Variants in MPP7 observed in about 807,000 individuals in gnomAD.
MPP7 encodes the protein MAGUK p55 scaffold protein 7.
A neutral mutation model predicts 76.5 loss-of-function variants in MPP7; 60 were observed. The observed-to-expected ratio is 0.78, with a 90% confidence interval of 0.64 to 0.97. The LOEUF is 0.97. MPP7 is among the 50% of genes least tolerant of loss of function. MPP7 has a pLI of 0.00. For missense variants in MPP7, 641 were observed against 694.0 expected (o/e 0.92, Z 0.86); for synonymous variants, 237 against 244.5 (o/e 0.97, Z 0.29).
At chr10:28,199,851 GT>G (rs1837711456) in intron 3 of MPP7, among the ~76,000 whole-genome samples, 1 of 149,948 alleles carries the variant, frequency 6.7e-6, no homozygotes, top group South Asian at 2.1e-4. Flanking sequence ...CGGATTACAG[GT>G]GTGAACCACT....
At chr10:28,328,725 C>T (rs11007024) in intron 2 of MPP7, among the ~76,000 whole-genome samples, 10 of 152,178 alleles carry the variant, frequency 6.6e-5, no homozygotes, top group East Asian at 3.9e-4. Context: ...ATATTTGCAG[C>T]GTTTACATTT....
At chr10:28,202,047 T>G in intron 3 of MPP7, 106 bp downstream of exon 3, 1 of 786,066 alleles carries the variant, frequency 1.3e-6, no homozygotes, top group Non-Finnish European at 2.2e-6. Flanking sequence ...AACAAGGCTG[T>G]TTTGTTTTCA....
intron 3 of MPP7, among the ~76,000 whole-genome samples, chr10:28,189,029 A>C (rs1169854874): frequency 1.3e-5 from 2 of 152,194 alleles, no homozygotes; most frequent in Non-Finnish European, 2.9e-5. Flanking sequence ...CACAAAAAAA[A>C]GGAAGGACAT....
intron 11 of MPP7, among the ~76,000 whole-genome samples, chr10:28,113,313 G>T (rs1834562151): frequency 6.6e-6 from 1 of 152,062 alleles, no homozygotes; most frequent in Non-Finnish European, 1.5e-5. Context: ...CCCTCTTCCT[G>T]TTGGCCCTGC....
chr10:28,172,546 CA>C (rs1279788266), intron 3 of MPP7, among the ~76,000 whole-genome samples: 7 of 150,184 alleles, frequency 4.7e-5, no homozygotes, highest in Non-Finnish European at 1.0e-4. Context: ...AAATATTTGA[CA>C]ATGAGCGGCA....
rs1420885235 is a variant in MPP7 at position 28,296,159 on chromosome 10, G to A, written c.-132+6702C>T. Among the ~76,000 whole-genome samples, 4 of 152,122 alleles carry A rather than the reference G, an allele frequency of 2.6e-5. No homozygotes were observed. The East Asian group carries it at 7.7e-4, about 29-fold the overall frequency. ...TAATGACCTGATTAAGGTCATCAAA[G>A]GTAAAGAAAACTCTAGGAAGCAGCC... On this transcript the variant is annotated intron_variant, in intron 1 of 16. Transcript: ENST00000683449.
At chr10:28,197,063 G>T (rs1425364243) in intron 3 of MPP7, among the ~76,000 whole-genome samples, 1 of 151,932 alleles carries the variant, frequency 6.6e-6, no homozygotes, top group East Asian at 1.9e-4. Flanking sequence ...ACAATCTGTT[G>T]ACCTCAATCC....
chr10:28,250,095 A>G (rs1490846993), intron 1 of MPP7, among the ~76,000 whole-genome samples: 1 of 151,664 alleles, frequency 6.6e-6, no homozygotes, highest in African/African-American at 2.4e-5. Context: ...TGGTTCTCCT[A>G]TTGGATGTAA....
At chr10:28,233,930 A>T (rs376526970) in intron 2 of MPP7, among the ~76,000 whole-genome samples, 1 of 151,738 alleles carries the variant, frequency 6.6e-6, no homozygotes, top group African/African-American at 2.4e-5. Context: ...GGGAAAGAAG[A>T]GAGAAGACAG....
chr10:28,316,435 TAAAAAAAAAAAA>T (rs549621404), intron 2 of MPP7, among the ~76,000 whole-genome samples: 679 of 37,138 alleles, frequency 0.018, 21 homozygotes, highest in African/African-American at 0.049. Context: ...ACTCTGTCTT[TAAAAAAAAAAAA>T]AAAAAAAAAA....
chr10:28,194,638 CT>C (rs1412863199), intron 3 of MPP7, among the ~76,000 whole-genome samples: 4 of 152,158 alleles, frequency 2.6e-5, no homozygotes, highest in African/African-American at 9.7e-5. Flanking sequence ...AGGCTACATA[CT>C]GTATTATTCC....
intron 3 of MPP7, among the ~76,000 whole-genome samples, chr10:28,194,100 C>T (rs1001838062): frequency 1.3e-5 from 2 of 152,176 alleles, no homozygotes; most frequent in African/African-American, 4.8e-5. Flanking sequence ...CTGCAACCTC[C>T]GCCTCCTGGA....
At chr10:28,099,029 T>C (rs11006864) in intron 11 of MPP7, among the ~76,000 whole-genome samples, 8,029 of 152,236 alleles carry the variant, frequency 0.053, 260 homozygotes, top group Middle Eastern at 0.11. Context: ...ACACATAATT[T>C]CAATGTAAAC....
chr10:28,290,863 A>G (rs1840901723), intron 1 of MPP7, among the ~76,000 whole-genome samples: 1 of 152,258 alleles, frequency 6.6e-6, no homozygotes, highest in South Asian at 2.1e-4. Flanking sequence ...AATGCCCATT[A>G]CTGATATGAA....
intron 8 of MPP7, among the ~76,000 whole-genome samples, chr10:28,120,993 C>A (rs1834817836): frequency 6.6e-6 from 1 of 152,100 alleles, no homozygotes; most frequent in Admixed American, 6.5e-5. Context: ...TAAATAAACA[C>A]AGTATTCAAT....
At chr10:28,234,612 GTGATA>G (rs898665473) in intron 2 of MPP7, among the ~76,000 whole-genome samples, 2 of 152,126 alleles carry the variant, frequency 1.3e-5, no homozygotes, top group Non-Finnish European at 2.9e-5. Context: ...TACCCTCAGT[GTGATA>G]TGATGACAAT....
intron 1 of MPP7, among the ~76,000 whole-genome samples, chr10:28,247,008 G>A (rs1839458717): frequency 1.3e-5 from 2 of 152,178 alleles, no homozygotes; most frequent in African/African-American, 2.4e-5. Context: ...TGTTGTTGGA[G>A]TTATTTGCTA....
chr10:28,187,198 A>C (rs191257572), intron 3 of MPP7, among the ~76,000 whole-genome samples: 2 of 152,308 alleles, frequency 1.3e-5, no homozygotes, highest in East Asian at 3.9e-4. Context: ...AGTCGCACTA[A>C]ATATTCACAA....
Position 28,180,644 on chromosome 10 carries a change from C to A in MPP7, c.156+21509G>T, listed in dbSNP as rs549554298. Among the ~76,000 whole-genome samples the A allele has an allele frequency of 5.8e-4, 89 of 152,240 alleles. 1 individual carries two copies. Among genetic ancestry groups the A allele is most frequent in the African/African-American group, 1.9e-3 (81 of 41,550 alleles). On this transcript the variant is annotated intron_variant, in intron 3 of 16. Transcript: ENST00000683449. ...ATTGTGGTAATAAGCAATGCCTAAA[C>A]CTTAGCAGCATATAACAACGAAAGT...
Sources: gnomAD v4.1 joint callset for allele counts (sites outside exome capture counted in the v4.1 genomes callset) on GRCh38, gnomAD v4.1.1 for gene constraint, MANE v1.5 for transcripts, NCBI Gene and HGNC (gene_info 2026-07-23, HGNC 2026-07-21) for gene names.